The following TENM1 variants were observed in gnomAD, a reference collection of about 807,000 sequenced individuals.
TENM1 encodes the protein teneurin-1.
Under a neutral mutation model 174.8 loss-of-function variants are expected in TENM1, and 35 were observed. That is an observed-to-expected ratio of 0.20 (90% CI 0.15 to 0.27). The LOEUF is 0.27. Ranked by LOEUF, TENM1 falls within the 10% of genes least tolerant of loss-of-function variation. The probability of loss-of-function intolerance (pLI) is 1.00; values close to 1 mark genes in which losing one functional copy is unlikely to be tolerated. For synonymous variants in TENM1, 781 were observed against 798.7 expected, an observed-to-expected ratio of 0.98 and a Z score of 0.37; for missense variants, 1,633 against 2,130.1, an observed-to-expected ratio of 0.77 and a Z score of 4.59.
At chrX:124,375,955 T>C (rs1295391336) in exon 32 of TENM1, 1 of 112,815 alleles carries the variant, frequency 8.9e-6, no homozygotes, top group African/African-American at 3.2e-5. Context: ...AGTACTTTTC[T>C]TTCAAATATC....
chrX:124,662,838 G>T (rs1374419812), intron 6 of TENM1, among the ~76,000 whole-genome samples: 1 of 111,966 alleles, frequency 8.9e-6, no homozygotes, highest in Non-Finnish European at 1.9e-5. Context: ...TTTGTTGCAT[G>T]TTGTTTGTAT....
chrX:124,968,585 A>T (rs2058754727), upstream of TENM1, among the ~76,000 whole-genome samples: 1 of 112,138 alleles, frequency 8.9e-6, no homozygotes, highest in South Asian at 3.7e-4. Flanking sequence ...GGAATGTCAT[A>T]TCTATTCAAG....
chrX:124,674,226 T>C (rs2051998377), intron 5 of TENM1, among the ~76,000 whole-genome samples: 1 of 98,181 alleles, frequency 1.0e-5, no homozygotes, highest in African/African-American at 3.9e-5. Context: ...AAACAGTTCC[T>C]AGGGCAAAAA....
At chrX:124,646,951 A>G in intron 8 of TENM1, 141 bp from the exon 12 acceptor site, 1 of 421,044 alleles carries the variant, frequency 2.4e-6, no homozygotes, top group Non-Finnish European at 4.1e-6. Flanking sequence ...GCTCAAAATC[A>G]CATACAAAGA....
the TENM1 span, among the ~76,000 whole-genome samples, chrX:125,059,884 T>C: frequency 1.8e-5 from 2 of 110,753 alleles, no homozygotes; most frequent in East Asian, 5.7e-4. Context: ...AACATATTAC[T>C]GTGAAGGTGT....
At position 124,809,946 on chromosome X, in the gene TENM1, AAGG is replaced by A. The variant is rs1381638332; in HGVS notation, c.536-72752_536-72750del. On this transcript the variant is annotated intron_variant, in intron 3 of 31. Coordinates refer to ENST00000422452, the Ensembl canonical transcript of TENM1. ...TGAGAACTCTATCACAAGAACAGCA[AAGG>A]AGAAGTCTGCCCCCATGACCCAATC... is the stretch of plus-strand genomic sequence containing the variant. Among the ~76,000 whole-genome samples the A allele has an allele frequency of 4.5e-5, 5 of 110,215 alleles. No homozygotes were observed. In the East Asian group the frequency reaches 1.4e-3, roughly 32 times the overall value.
chrX:124,770,734 A>G (rs747960918), intron 3 of TENM1, among the ~76,000 whole-genome samples: 2 of 109,585 alleles, frequency 1.8e-5, no homozygotes, highest in African/African-American at 6.6e-5. Flanking sequence ...TTACTTGACA[A>G]TACATCTTGA....
the TENM1 span, among the ~76,000 whole-genome samples, chrX:125,156,660 G>GT: frequency 8.0e-5 from 9 of 111,924 alleles, no homozygotes; most frequent in Admixed American, 6.6e-4. Context: ...AGTCCATCAT[G>GT]GATGGACATC....
intron 10 of TENM1, among the ~76,000 whole-genome samples, chrX:124,644,322 C>T (rs935920414): frequency 5.6e-5 from 6 of 106,658 alleles, no homozygotes; most frequent in Non-Finnish European, 1.2e-4. Context: ...AGATTAAACC[C>T]GTTAGAATGC....
chrX:124,411,289 T>A (rs1314225841), intron 25 of TENM1, among the ~76,000 whole-genome samples: 1 of 111,695 alleles, frequency 9.0e-6, no homozygotes, highest in Non-Finnish European at 1.9e-5. Flanking sequence ...CCCAGATAGA[T>A]TTAGCTGGGA....
chrX:124,529,916 T>G, exon 16 of TENM1: 5 of 1,210,936 alleles, frequency 4.1e-6, no homozygotes, highest in Non-Finnish European at 5.6e-6. Flanking sequence ...TGCAAGAAAC[T>G]GACATTCACT....
chrX:124,462,615 C>T (rs1213798080), intron 22 of TENM1, among the ~76,000 whole-genome samples: 1 of 110,972 alleles, frequency 9.0e-6, no homozygotes, highest in South Asian at 3.8e-4. Flanking sequence ...CCCACAGAAG[C>T]TGTTACTTAT....
chrX:124,403,912 T>C (rs1281285989), intron 27 of TENM1, among the ~76,000 whole-genome samples: 1 of 110,968 alleles, frequency 9.0e-6, no homozygotes, highest in Non-Finnish European at 1.9e-5. Context: ...CACCCCGTCA[T>C]TCTCTTTAAA....
At chrX:125,057,306 CTTTTA>C in the TENM1 span, among the ~76,000 whole-genome samples, 6 of 109,723 alleles carry the variant, frequency 5.5e-5, no homozygotes, top group Non-Finnish European at 7.6e-5. Flanking sequence ...GGCAGGAGAG[CTTTTA>C]TTTTATTTTA....
chrX:124,552,517 A>G (rs1367306068), intron 14 of TENM1, among the ~76,000 whole-genome samples: 1 of 111,820 alleles, frequency 8.9e-6, no homozygotes, highest in Non-Finnish European at 1.9e-5. Context: ...TATTGTTGCT[A>G]TAACCACATA....
At chrX:124,398,992 C>G (rs776135603) in intron 27 of TENM1, among the ~76,000 whole-genome samples, 10 of 112,370 alleles carry the variant, frequency 8.9e-5, no homozygotes, top group African/African-American at 2.6e-4. Context: ...ATCCGACTAC[C>G]CACTGTAATT....
the TENM1 span, among the ~76,000 whole-genome samples, chrX:125,139,888 A>G: frequency 1.0e-5 from 1 of 98,810 alleles, no homozygotes; most frequent in Non-Finnish European, 2.1e-5. Flanking sequence ...AGAGAGAGAG[A>G]GACAGAGAAT....
the TENM1 span, among the ~76,000 whole-genome samples, chrX:125,103,518 T>G: frequency 1.4e-3 from 153 of 111,619 alleles, 1 homozygote; most frequent in African/African-American, 4.7e-3. Flanking sequence ...TTAGATATTT[T>G]GACAATTCCA....
exon 32 of TENM1, chrX:124,377,589 A>T (rs1361524840): frequency 9.0e-6 from 1 of 111,649 alleles, no homozygotes; most frequent in African/African-American, 3.3e-5. Flanking sequence ...CTGTAGTGCA[A>T]GAGTGAAAAC....
Sources: allele counts gnomAD v4.1 joint callset (sites outside exome capture counted in the v4.1 genomes callset), GRCh38; gene constraint gnomAD v4.1.1; transcripts MANE v1.5; gene names NCBI Gene and HGNC (gene_info 2026-07-23, HGNC 2026-07-21).